RAD51C: variants seen among roughly 807,000 people sequenced by gnomAD.
RAD51C encodes RAD51 paralog C.
Under a neutral mutation model 45.0 loss-of-function variants are expected in RAD51C, and 42 were observed. That is an observed-to-expected ratio of 0.93 (90% CI 0.73 to 1.21). RAD51C has a LOEUF of 1.21. Among genes scored for constraint, RAD51C ranks in the 50% most tolerant of loss-of-function variants. The pLI is 0.00. For missense variants in RAD51C, 474 were observed against 452.2 expected, an observed-to-expected ratio of 1.05 and a Z score of -0.44; for synonymous variants, 172 against 159.8, an observed-to-expected ratio of 1.08 and a Z score of -0.58.
At chr17:58,704,453 T>TTTA (rs1555597587) in intron 4 of RAD51C, among the ~76,000 whole-genome samples, 1 of 151,692 alleles carries the variant, frequency 6.6e-6, no homozygotes, top group African/African-American at 2.4e-5. Flanking sequence ...TTTTTTTTTT[T>TTTA]TATATTTTTG....
intron 2 of RAD51C, among the ~76,000 whole-genome samples, chr17:58,696,159 G>A (rs1046635272): frequency 6.6e-6 from 1 of 151,920 alleles, no homozygotes; most frequent in African/African-American, 2.4e-5. Flanking sequence ...TTGGCTGGGC[G>A]CAGTGGCTGA....
At chr17:58,721,389 C>G (rs1182595217) in intron 6 of RAD51C, among the ~76,000 whole-genome samples, 3 of 152,192 alleles carry the variant, frequency 2.0e-5, no homozygotes, top group Non-Finnish European at 4.4e-5. Flanking sequence ...ATACAAATCA[C>G]ACTACAGTGA....
intron 6 of RAD51C, among the ~76,000 whole-genome samples, chr17:58,723,505 C>T (rs1349101072): frequency 6.6e-6 from 1 of 151,758 alleles, no homozygotes; most frequent in Non-Finnish European, 1.5e-5. Flanking sequence ...TAATTGTCAC[C>T]TAGCTTTTAT....
intron 4 of RAD51C, among the ~76,000 whole-genome samples, chr17:58,708,693 T>C (rs951580498): frequency 5.7e-5 from 8 of 140,144 alleles, no homozygotes; most frequent in African/African-American, 2.0e-4. Context: ...ACTGTTTATT[T>C]TTTGCTTTGG....
intron 4 of RAD51C, among the ~76,000 whole-genome samples, chr17:58,705,530 C>T (rs1239674037): frequency 6.6e-6 from 1 of 152,028 alleles, no homozygotes; most frequent in Non-Finnish European, 1.5e-5. Flanking sequence ...GACAGGGTTT[C>T]CCCATGTTGG....
At chr17:58,692,819 A>G in intron 1 of RAD51C, 31 bp downstream of exon 1, 14 of 1,613,764 alleles carry the variant, frequency 8.7e-6, no homozygotes, top group Non-Finnish European at 1.1e-5. Context: ...GCTGAGGCAC[A>G]CCGGCCGCCG....
chr17:58,724,247 G>A, intron 7 of RAD51C, 147 bp downstream of exon 7: 1 of 754,688 alleles, frequency 1.3e-6, no homozygotes. Flanking sequence ...ATATCACCTA[G>A]AGCAAACATA....
At chr17:58,709,593 G>A (rs2048484256) in intron 4 of RAD51C, 1 of 323,320 alleles carries the variant, frequency 3.1e-6, no homozygotes, top group African/African-American at 2.2e-5. Flanking sequence ...AGTAAGGGTT[G>A]GATTAAAGAA....
chr17:58,696,212 C>A (rs2048000092), intron 2 of RAD51C, among the ~76,000 whole-genome samples: 1 of 152,156 alleles, frequency 6.6e-6, no homozygotes, highest in Non-Finnish European at 1.5e-5. Context: ...GCAGGCAGAT[C>A]ATGAGGTCAG....
intron 5 of RAD51C, among the ~76,000 whole-genome samples, chr17:58,718,003 T>A (rs564123078): frequency 1.4e-4 from 22 of 152,234 alleles, no homozygotes; most frequent in African/African-American, 5.3e-4. Context: ...GTTTTCTTTT[T>A]CTTTTTTTTT....
chr17:58,720,815 G>A lies in RAD51C; in HGVS notation c.904+3G>A, dbSNP rs1290236617. ...GGCCTTGCTTGTTCCTGCATTAGGT[G>A]GGTAATTAATCAGATAAACATTTTA... On this transcript the variant is annotated splice_donor_region_variant and intron_variant, in intron 6 of 8. Transcript: ENST00000337432. The A allele has an allele frequency of 6.2e-7, 1 of 1,604,898 alleles. No homozygotes were observed. The highest frequency in any genetic ancestry group is 8.5e-7 in the Non-Finnish European group (1 of 1,173,018).
chr17:58,692,585 CACGCCCCAGCGA>C, upstream of RAD51C: 1 of 1,599,612 alleles, frequency 6.3e-7, no homozygotes, highest in East Asian at 2.2e-5. Context: ...CGTCACGCCG[CACGCCCCAGCGA>C]GGGCGTGCGG....
chr17:58,708,701 T>TG (rs71143279), intron 4 of RAD51C, among the ~76,000 whole-genome samples: 38,767 of 151,234 alleles, frequency 0.26, 5,588 homozygotes, highest in Middle Eastern at 0.43. Context: ...TTTTTTGCTT[T>TG]GGGGGGGGCT....
intron 7 of RAD51C, among the ~76,000 whole-genome samples, 174 bp downstream of exon 7, chr17:58,724,274 A>G (rs971363836): frequency 1.3e-5 from 2 of 152,202 alleles, no homozygotes; most frequent in African/African-American, 4.8e-5. Flanking sequence ...TGTTGTTATT[A>G]CTGCATATTT....
At chr17:58,714,036 G>A (rs778556098) in intron 5 of RAD51C, among the ~76,000 whole-genome samples, 1 of 150,958 alleles carries the variant, frequency 6.6e-6, no homozygotes, top group Non-Finnish European at 1.5e-5. Context: ...CCAGGTTGGA[G>A]TACAGTGTCA....
intron 7 of RAD51C, among the ~76,000 whole-genome samples, chr17:58,731,962 A>C (rs2049443768): frequency 6.6e-6 from 1 of 152,180 alleles, no homozygotes; most frequent in Admixed American, 6.6e-5. Context: ...TTTGTAGTAT[A>C]AGAAATTATC....
intron 4 of RAD51C, 42 bp from the exon 5 acceptor site, chr17:58,709,817 T>C: frequency 6.5e-7 from 1 of 1,548,784 alleles, no homozygotes; most frequent in Non-Finnish European, 8.9e-7. Flanking sequence ...ATTATTATTT[T>C]ATTTTTCGTA....
intron 2 of RAD51C, 64 bp downstream of exon 2, chr17:58,695,253 T>C: frequency 6.5e-7 from 1 of 1,542,348 alleles, no homozygotes; most frequent in Non-Finnish European, 8.7e-7. Flanking sequence ...TAGTATTTTG[T>C]ACTATCGTCA....
At chr17:58,721,308 C>G (rs2048910720) in intron 6 of RAD51C, among the ~76,000 whole-genome samples, 1 of 152,020 alleles carries the variant, frequency 6.6e-6, no homozygotes, top group Admixed American at 6.6e-5. Flanking sequence ...TGTCTGGCAA[C>G]TGTTGTGTCA....
Sources: gnomAD v4.1 joint callset for allele counts (sites outside exome capture counted in the v4.1 genomes callset) on GRCh38, gnomAD v4.1.1 for gene constraint, MANE v1.5 for transcripts, NCBI Gene and HGNC (gene_info 2026-07-23, HGNC 2026-07-21) for gene names.